SLC44A5: variants seen among roughly 807,000 people sequenced by gnomAD.
SLC44A5 encodes the protein solute carrier family 44 member 5.
In SLC44A5, 57 loss-of-function variants were observed where a neutral mutation model predicts 101.8. The ratio of observed to expected loss-of-function variants is 0.56; its 90% CI spans 0.45 to 0.70. The LOEUF (loss-of-function observed/expected upper bound fraction) is 0.70. Ranked by LOEUF, SLC44A5 falls within the 30% of genes least tolerant of loss-of-function variation. SLC44A5 has a pLI of 0.00. For synonymous variants in SLC44A5, 281 were observed against 290.9 expected (o/e 0.97, Z 0.35); for missense variants, 737 against 853.1 (o/e 0.86, Z 1.70).
chr1:75,434,940 A>ATG (rs1664804146), intron 2 of SLC44A5, among the ~76,000 whole-genome samples: 1 of 152,120 alleles, frequency 6.6e-6, no homozygotes, highest in African/African-American at 2.4e-5. Context: ...ACACTGTGCT[A>ATG]TGCCCCATAT....
At chr1:75,557,738 G>A (rs993570176) in intron 1 of SLC44A5, among the ~76,000 whole-genome samples, 4 of 152,042 alleles carry the variant, frequency 2.6e-5, no homozygotes, top group Admixed American at 6.6e-5. Context: ...CTTAGTGTCT[G>A]TCCAGTATTT....
chr1:75,402,868 G>T (rs1265633149), intron 2 of SLC44A5, among the ~76,000 whole-genome samples: 5 of 152,138 alleles, frequency 3.3e-5, no homozygotes, highest in East Asian at 1.9e-4. Context: ...CCTGGAAAGG[G>T]TGCTGAAGCC....
intron 1 of SLC44A5, 35 bp downstream of exon 1, chr1:75,611,005 G>A (rs770885156): frequency 5.6e-5 from 54 of 957,662 alleles, no homozygotes; most frequent in Non-Finnish European, 6.7e-5. Context: ...TTTTCCTACA[G>A]ACATAGACTT....
intron 4 of SLC44A5, among the ~76,000 whole-genome samples, chr1:75,332,465 C>G (rs181876703): frequency 6.6e-6 from 1 of 152,220 alleles, no homozygotes; most frequent in East Asian, 1.9e-4. Flanking sequence ...CTTGAATGTT[C>G]TATAGTTGTC....
intron 1 of SLC44A5, among the ~76,000 whole-genome samples, chr1:75,563,824 T>C (rs1260593641): frequency 6.6e-6 from 1 of 152,184 alleles, no homozygotes; most frequent in African/African-American, 2.4e-5. Context: ...TTCAAACAGG[T>C]GTCTGAAAAT....
intron 1 of SLC44A5, among the ~76,000 whole-genome samples, chr1:75,552,631 T>G (rs936970669): frequency 2.0e-5 from 3 of 151,714 alleles, no homozygotes; most frequent in African/African-American, 7.3e-5. Context: ...GGCTGGTTTT[T>G]TTTTTTTTTT....
intron 2 of SLC44A5, among the ~76,000 whole-genome samples, chr1:75,422,936 T>A (rs193245403): frequency 1.3e-3 from 195 of 152,278 alleles, no homozygotes; most frequent in Non-Finnish European, 2.2e-3. Context: ...CCTCTTCTCT[T>A]CCTGTTGTCT....
intron 2 of SLC44A5, among the ~76,000 whole-genome samples, chr1:75,447,819 T>C (rs1483955097): frequency 1.3e-5 from 2 of 152,156 alleles, no homozygotes; most frequent in African/African-American, 4.8e-5. Flanking sequence ...AACAAATATA[T>C]CTAGGTTTCA....
chr1:75,598,627 A>T (rs1674790831), intron 1 of SLC44A5, among the ~76,000 whole-genome samples: 1 of 145,994 alleles, frequency 6.8e-6, no homozygotes, highest in African/African-American at 2.5e-5. Flanking sequence ...CTTTGCAGGG[A>T]CATGAATGGA....
chr1:75,640,838 G>A, the SLC44A5 span, among the ~76,000 whole-genome samples: 5 of 151,990 alleles, frequency 3.3e-5, no homozygotes, highest in African/African-American at 4.8e-5. Context: ...GGCTTGTCTG[G>A]GGCTTCATGG....
intron 3 of SLC44A5, among the ~76,000 whole-genome samples, chr1:75,362,680 C>T (rs945163123): frequency 6.6e-6 from 1 of 151,910 alleles, no homozygotes; most frequent in Non-Finnish European, 1.5e-5. Context: ...GATTTCACTC[C>T]TCTTAAATGT....
intron 11 of SLC44A5, 61 bp from the exon 12 acceptor site, chr1:75,234,159 A>G (rs1647860087): frequency 1.2e-5 from 14 of 1,172,766 alleles, no homozygotes; most frequent in Middle Eastern, 1.9e-4. Context: ...TATTACAAAC[A>G]TCAAGACAAA....
chr1:75,339,468 T>G, intron 4 of SLC44A5, 114 bp downstream of exon 4: 1 of 749,604 alleles, frequency 1.3e-6, no homozygotes, highest in East Asian at 2.7e-5. Flanking sequence ...ATATATCATT[T>G]TCCCCTCACA....
chr1:75,556,596 A>C (rs1478983171), intron 1 of SLC44A5, among the ~76,000 whole-genome samples: 2 of 152,138 alleles, frequency 1.3e-5, no homozygotes. Context: ...AAATAATAAA[A>C]GAGGAAACTG....
chr1:75,597,602 A>G lies in SLC44A5; in HGVS notation c.-70+13438T>C, dbSNP rs1472663536. 2.6e-5 allele frequency among the ~76,000 whole-genome samples: 4 copies of G among 152,222 alleles called. No homozygotes were observed. In the East Asian group the frequency reaches 7.7e-4, roughly 29 times the overall value. On this transcript the variant is annotated intron_variant, in intron 1 of 23. Coordinates refer to ENST00000370859, the MANE Select transcript of SLC44A5 (RefSeq NM_001130058.2). ...ATGGTACTGTTACAAAAACAGACAC[A>G]TAGACCAATGGAACAGAATAGAGAA...
At chr1:75,602,901 C>T (rs918129806) in intron 1 of SLC44A5, among the ~76,000 whole-genome samples, 1 of 151,902 alleles carries the variant, frequency 6.6e-6, no homozygotes, top group Non-Finnish European at 1.5e-5. Flanking sequence ...TTTTGACTTT[C>T]CTGTAAGGCA....
At chr1:75,633,583 T>A in the SLC44A5 span, among the ~76,000 whole-genome samples, 3 of 152,288 alleles carry the variant, frequency 2.0e-5, no homozygotes, top group Middle Eastern at 6.8e-3. Context: ...ATCCTGAGAC[T>A]TTGCTGAAGT....
intron 4 of SLC44A5, among the ~76,000 whole-genome samples, chr1:75,329,699 C>T (rs1613680): frequency 0.53 from 80,283 of 151,802 alleles, 22,845 homozygotes; most frequent in East Asian, 0.85. Flanking sequence ...AATGAAATTC[C>T]GCCAATATTT....
chr1:75,653,385 T>G, the SLC44A5 span, among the ~76,000 whole-genome samples: 116,148 of 151,974 alleles, frequency 0.76, 44,766 homozygotes, highest in East Asian at 0.96. Context: ...GGGAGGCTGA[T>G]GCAGGAGAAT....
Sources: allele counts gnomAD v4.1 joint callset (sites outside exome capture counted in the v4.1 genomes callset), GRCh38; gene constraint gnomAD v4.1.1; transcripts MANE v1.5; gene names NCBI Gene and HGNC (gene_info 2026-07-23, HGNC 2026-07-21).